Variants in EEF2K observed in about 807,000 individuals in gnomAD.
The protein encoded by EEF2K is alternative protein EEF2K.
Under a neutral mutation model 93.8 loss-of-function variants are expected in EEF2K, and 70 were observed. The observed-to-expected ratio is 0.75, with a 90% confidence interval of 0.62 to 0.91. The LOEUF is 0.91. Among genes scored for constraint, EEF2K ranks in the 40% least tolerant of loss-of-function variants. EEF2K has a pLI of 0.00. For missense variants in EEF2K, 935 were observed against 972.9 expected (o/e 0.96, Z 0.52); for synonymous variants, 376 against 380.8 (o/e 0.99, Z 0.15).
intron 1 of EEF2K, among the ~76,000 whole-genome samples, chr16:22,224,448 T>C (rs1486053701): frequency 6.6e-6 from 1 of 151,498 alleles, no homozygotes; most frequent in African/African-American, 2.4e-5. Context: ...CTGGGCAACA[T>C]AGGGAGACCC....
rs574546059 is a variant in EEF2K at position 22,232,838 on chromosome 16, G to C, written c.246+6863G>C. Reference sequence around the variant, plus strand: ...GGCTTCAGAGGGAGACAACAGCTCAGCTTTCCAACCTTTGTTCCCTCAGCA... The same window carrying C: ...GGCTTCAGAGGGAGACAACAGCTCACCTTTCCAACCTTTGTTCCCTCAGCA... On this transcript the variant is annotated intron_variant, in intron 2 of 17. Coordinates refer to ENST00000263026, the MANE Select transcript of EEF2K (RefSeq NM_013302.5). Among the ~76,000 whole-genome samples, 3 of 151,382 alleles carry C rather than the reference G, an allele frequency of 2.0e-5. 1 individual carries two copies. In the South Asian group the frequency reaches 6.2e-4, roughly 31 times the overall value.
rs144252213 is a variant in EEF2K at position 22,258,622 on chromosome 16, C to A, written c.1158C>A (p.Ser386Arg). 1 of 1,613,994 alleles carries A rather than the reference C, an allele frequency of 6.2e-7. No homozygotes were observed. The highest frequency in any genetic ancestry group is 1.3e-5 in the African/African-American group (1 of 74,916). Residue 386 changes from serine (S) to arginine (R), a missense_variant, in exon 10 of 18, where the codon AGC (serine) becomes AGA (arginine). Ser to Arg is a moderately radical substitution (Grantham distance 110, BLOSUM62 -1). Transcript: ENST00000263026. The part of the protein sequence containing the change: ...LSENSGDENM[S>R]DVTFDSLPSS... ...AGAACTCTGGAGACGAGAACATGAG[C>A]GACGTGACCTTCGACTCTCTCCCTT...
At chr16:22,229,892 T>C (rs1282855722) in intron 2 of EEF2K, among the ~76,000 whole-genome samples, 1 of 152,222 alleles carries the variant, frequency 6.6e-6, no homozygotes, top group African/African-American at 2.4e-5. Context: ...CCATAACTTC[T>C]GAATTAATCT....
rs1243361839 is a variant in EEF2K at position 22,257,771 on chromosome 16, G to C, written c.1029+1G>C. 6.2e-7 allele frequency: 1 copy of C among 1,613,446 alleles called. No homozygotes were observed. On this transcript the variant is annotated splice_donor_variant, in intron 9 of 17. Coordinates refer to ENST00000263026, the MANE Select transcript of EEF2K (RefSeq NM_013302.5). LOFTEE classifies it high-confidence loss of function. The stretch of plus-strand genomic sequence containing the variant: ...AGTGAATCAGAACACCAAGCTGCTG[G>C]TGGGTGCCCAGTGTGACCCTGCTTG...
At chr16:22,213,805 T>C (rs2046936535) in intron 1 of EEF2K, among the ~76,000 whole-genome samples, 1 of 152,194 alleles carries the variant, frequency 6.6e-6, no homozygotes, top group Admixed American at 6.5e-5. Flanking sequence ...TTTCTGTCTT[T>C]GGTCACATCT....
intron 2 of EEF2K, among the ~76,000 whole-genome samples, chr16:22,238,365 C>T (rs1379376214): frequency 6.6e-6 from 1 of 152,072 alleles, no homozygotes; most frequent in Non-Finnish European, 1.5e-5. Flanking sequence ...ATGTGATCAT[C>T]CCCCTACAGA....
chr16:22,257,433 T>TA lies in EEF2K; in HGVS notation c.901+52dup, dbSNP rs755385853. The TA allele has an allele frequency of 5.6e-6, 9 of 1,603,806 alleles. No individual in the cohort carries two copies. The Admixed American group carries it at 1.0e-4, about 18-fold the overall frequency. ...TTTCTGCAGAAACCACGCTCCCTGC[T>TA]AAAACCTCTGAGTTCTTCGTACAGC... On this transcript the variant is annotated intron_variant, in intron 8 of 17. Coordinates refer to ENST00000263026, the MANE Select transcript of EEF2K (RefSeq NM_013302.5).
At chr16:22,242,556 TCTGCCTCGGCCTCCCA>T (rs1598179962) in intron 2 of EEF2K, among the ~76,000 whole-genome samples, 2 of 151,842 alleles carry the variant, frequency 1.3e-5, no homozygotes, top group East Asian at 3.9e-4. Flanking sequence ...GGATGATCCA[TCTGCCTCGGCCTCCCA>T]AAGTGCTGGG....
intron 2 of EEF2K, among the ~76,000 whole-genome samples, chr16:22,242,113 T>C (rs1426406368): frequency 6.6e-6 from 1 of 151,916 alleles, no homozygotes; most frequent in Non-Finnish European, 1.5e-5. Flanking sequence ...TACCACCACG[T>C]AGCCTGGACA....
intron 1 of EEF2K, among the ~76,000 whole-genome samples, chr16:22,212,170 A>G (rs1232062896): frequency 1.3e-5 from 2 of 152,242 alleles, no homozygotes; most frequent in African/African-American, 2.4e-5. Context: ...TTCCTGAAAC[A>G]ATAAAATAGC....
At chr16:22,213,182 A>C (rs895009570) in intron 1 of EEF2K, among the ~76,000 whole-genome samples, 3 of 152,218 alleles carry the variant, frequency 2.0e-5, no homozygotes, top group African/African-American at 7.2e-5. Context: ...CAGGAGGCTG[A>C]GGCACAAGAA....
chr16:22,258,827 G>A, intron 10 of EEF2K, 132 bp downstream of exon 10: 1 of 1,224,858 alleles, frequency 8.2e-7, no homozygotes, highest in Non-Finnish European at 1.1e-6. Context: ...TGGTTTTATA[G>A]GTGAGTTTCA....
intron 15 of EEF2K, 43 bp downstream of exon 15, chr16:22,266,919 TTGGTCACCCTGTGGTTCACCTGCCTCCC>T: frequency 6.4e-7 from 1 of 1,563,948 alleles, no homozygotes; most frequent in Non-Finnish European, 8.7e-7. Context: ...GGGGTGGGAC[TTGGTCACCCTGTGGTTCACCTGCCTCCC>T]ATCCTGGAAG....
Position 22,244,746 on chromosome 16 carries a change from G to A in EEF2K, c.347+16G>A, listed in dbSNP as rs1177530058. Reference sequence around the variant, plus strand: ...CTCGACACAGGTCAGCAGCTTGTGTGGGGTCTCGAGGAGTCCTGGGGGCTA... The same window carrying A: ...CTCGACACAGGTCAGCAGCTTGTGTAGGGTCTCGAGGAGTCCTGGGGGCTA... On this transcript the variant is annotated intron_variant, in intron 3 of 17. Transcript: ENST00000263026. The A allele has an allele frequency of 1.2e-6, 2 of 1,613,162 alleles. No individual in the cohort carries two copies. Among genetic ancestry groups the A allele is most frequent in the South Asian group, 2.2e-5 (2 of 91,036 alleles).
chr16:22,225,893 A>C lies in EEF2K; in HGVS notation c.164A>C (p.Lys55Thr). The C allele has an allele frequency of 1.2e-6, 2 of 1,614,194 alleles. No homozygotes were observed. The highest frequency in any genetic ancestry group is 2.2e-5 in the South Asian group (2 of 91,082). The stretch of plus-strand genomic sequence containing the variant: ...AGCTCGAACCAGAATGTCAATTCCA[A>C]GGTTAATAAGTACTACAGCAACCTA... ...DPSSNQNVNS[K>T]VNKYYSNLTK... Residue 55 changes from lysine (K) to threonine (T), a missense_variant, in exon 2 of 18, where the codon AAG (lysine) becomes ACG (threonine). Transcript: ENST00000263026.
At chr16:22,279,789 G>T (rs534848938) in intron 16 of EEF2K, among the ~76,000 whole-genome samples, 359 of 152,194 alleles carry the variant, frequency 2.4e-3, no homozygotes, top group Non-Finnish European at 4.0e-3. Context: ...GAGGTTAGGG[G>T]TTCGAGACCA....
intron 2 of EEF2K, among the ~76,000 whole-genome samples, chr16:22,228,333 C>T (rs2047083800): frequency 6.6e-6 from 1 of 152,038 alleles, no homozygotes. Flanking sequence ...ATTAAAAGCT[C>T]ATACTGTGGG....
At chr16:22,231,407 C>T (rs1346824954) in intron 2 of EEF2K, among the ~76,000 whole-genome samples, 3 of 151,886 alleles carry the variant, frequency 2.0e-5, no homozygotes, top group African/African-American at 4.8e-5. Context: ...TGAGCCACCA[C>T]GCCCGACCTG....
In EEF2K at chr16:22,239,069, G is replaced by A. The variant is rs770078263; in HGVS notation, c.247-5561G>A. On this transcript the variant is annotated intron_variant, in intron 2 of 17. Transcript: ENST00000263026. ...AGTCAGGGACATGAATGTTAGTACA[G>A]TACTTTTTATACTGTGCTTATTAAA... Among the ~76,000 whole-genome samples, 13 of 147,764 alleles carry A rather than the reference G, an allele frequency of 8.8e-5. 1 individual carries two copies. The highest frequency in any genetic ancestry group is 1.4e-4 in the Admixed American group (2 of 14,580).
Sources: allele counts gnomAD v4.1 joint callset (sites outside exome capture counted in the v4.1 genomes callset), GRCh38; gene constraint gnomAD v4.1.1; transcripts MANE v1.5; gene names NCBI Gene and HGNC (gene_info 2026-07-23, HGNC 2026-07-21).